Variants in C16orf74 observed in about 807,000 individuals in gnomAD.
The protein encoded by C16orf74 is calcimembrin, also known as uncharacterized protein C16orf74.
Under a neutral mutation model 6.5 loss-of-function variants are expected in C16orf74, and 10 were observed. That is an observed-to-expected ratio of 1.54 (90% CI 0.95 to 2.61). C16orf74 has a LOEUF of 2.61. Ranked by LOEUF, C16orf74 falls within the 30% of genes most tolerant of loss-of-function variation. The probability of loss-of-function intolerance (pLI) is 0.00; values close to 1 mark genes in which losing one functional copy is unlikely to be tolerated. For missense variants in C16orf74, 141 were observed against 105.9 expected (o/e 1.33, Z -1.45); for synonymous variants, 60 against 42.5 (o/e 1.41, Z -1.60).
At chr16:85,723,669 G>C (rs1000903095) in intron 2 of C16orf74, among the ~76,000 whole-genome samples, 4 of 152,256 alleles carry the variant, frequency 2.6e-5, no homozygotes, top group African/African-American at 9.6e-5. Flanking sequence ...GTGGATGGTA[G>C]AAGGATATTT....
chr16:85,718,303 C>T (rs965283686), intron 2 of C16orf74, among the ~76,000 whole-genome samples: 1 of 152,178 alleles, frequency 6.6e-6, no homozygotes, highest in Non-Finnish European at 1.5e-5. Context: ...TAGGCTCAAA[C>T]GATCCTCCTG....
rs545228107 is a variant in C16orf74 at position 85,712,082 on chromosome 16, C to A, written c.29-1775G>T. 5.3e-5 allele frequency among the ~76,000 whole-genome samples: 8 copies of A among 152,330 alleles called. No individual in the cohort carries two copies. In the South Asian group the frequency reaches 1.7e-3, roughly 32 times the overall value. Reference sequence around the variant, plus strand: ...CACTTGCTCTTGGGGAAGCCAGCCACCATGTTACGAGGATGCTCAAGCAGC... The same window carrying A: ...CACTTGCTCTTGGGGAAGCCAGCCAACATGTTACGAGGATGCTCAAGCAGC... On this transcript the variant is annotated intron_variant, in intron 2 of 3. Coordinates refer to ENST00000284245, the MANE Select transcript of C16orf74 (RefSeq NM_206967.3).
chr16:85,707,535 T>C lies in C16orf74; in HGVS notation c.*473A>G. On this transcript the variant is annotated 3_prime_UTR_variant, in exon 4 of 4. Coordinates refer to ENST00000284245, the MANE Select transcript of C16orf74 (RefSeq NM_206967.3). ...TTCACTATTTGTTACAGAGGATCTT[T>C]ATTTATAATGCAAAAAAGAAATTAT... 1 of 153,834 alleles carries C rather than the reference T, an allele frequency of 6.5e-6. No homozygotes were observed. The highest frequency in any genetic ancestry group is 2.4e-5 in the African/African-American group (1 of 41,628). 9.5% of individuals were successfully genotyped at this position (153,834 alleles called of 1,614,324 possible). A position where few individuals can be genotyped will look rare whatever the true frequency, so the allele number is the denominator to read the frequency against.
In C16orf74 at chr16:85,708,147, TGG is replaced by T. The variant is rs2053932094; in HGVS notation, c.173-83_173-82del. ...CCCGTTTCCCTGGGAACTGCAGGGC[TGG>T]GGCCTCTGGGATTCCTTGCTTTCTG... is the stretch of plus-strand genomic sequence containing the variant. On this transcript the variant is annotated intron_variant, in intron 3 of 3. Transcript: ENST00000284245. 5 of 1,176,502 alleles carry T rather than the reference TGG, an allele frequency of 4.2e-6. No homozygotes were observed. In the Middle Eastern group the frequency reaches 5.7e-4, roughly 135 times the overall value. 72.9% of individuals were successfully genotyped at this position (1,176,502 alleles called of 1,614,324 possible).
chr16:85,715,612 G>T (rs1357619178), intron 2 of C16orf74, among the ~76,000 whole-genome samples: 1 of 152,216 alleles, frequency 6.6e-6, no homozygotes, highest in Non-Finnish European at 1.5e-5. Context: ...ACGGCAGCCT[G>T]AAAGCAGCCG....
intron 1 of C16orf74, chr16:85,743,993 G>A (rs1243692061): frequency 1.3e-5 from 2 of 151,816 alleles, no homozygotes; most frequent in African/African-American, 4.8e-5. Context: ...GGCGGAGCTT[G>A]CAATGAGTCG....
At position 85,710,080 on chromosome 16, in the gene C16orf74, G is replaced by C; in HGVS notation, c.172+84C>G. ...GAGGTGGGGACGCAAGCTAGGCCCCGTGGCCAGGAAGGACGCCCCTGAGAG... is the reference window on the plus strand; with the variant it reads ...GAGGTGGGGACGCAAGCTAGGCCCCCTGGCCAGGAAGGACGCCCCTGAGAG... On this transcript the variant is annotated intron_variant, in intron 3 of 3. Coordinates refer to ENST00000284245, the MANE Select transcript of C16orf74 (RefSeq NM_206967.3). 4.1e-6 allele frequency: 5 copies of C among 1,211,054 alleles called. No homozygotes were observed. In the East Asian group the frequency reaches 1.3e-4, roughly 31 times the overall value. The allele number at this position is 1,211,054 out of a possible 1,614,324, so 75.0% of individuals were successfully genotyped here. A position where few individuals can be genotyped will look rare whatever the true frequency, so the allele number is the denominator to read the frequency against.
At chr16:85,715,020 G>GGTGGCC (rs2054008922) in intron 2 of C16orf74, among the ~76,000 whole-genome samples, 1 of 151,684 alleles carries the variant, frequency 6.6e-6, no homozygotes, top group Non-Finnish European at 1.5e-5. Flanking sequence ...AGGCAGGCAC[G>GGTGGCC]GTGGCGGGCG....
intron 1 of C16orf74, among the ~76,000 whole-genome samples, chr16:85,742,685 G>A (rs1443611841): frequency 6.6e-6 from 1 of 152,080 alleles, no homozygotes; most frequent in Non-Finnish European, 1.5e-5. Context: ...GGGATTACAG[G>A]CATGCGCCAC....
chr16:85,714,195 C>T (rs1361380609), intron 2 of C16orf74, among the ~76,000 whole-genome samples: 1 of 151,980 alleles, frequency 6.6e-6, no homozygotes, highest in Non-Finnish European at 1.5e-5. Context: ...CGGCCACGGT[C>T]CCTGGGACAC....
chr16:85,711,548 G>A (rs533618757), intron 2 of C16orf74, among the ~76,000 whole-genome samples: 19 of 151,054 alleles, frequency 1.3e-4, no homozygotes, highest in African/African-American at 3.2e-4. Context: ...GCTTGAATCC[G>A]GGAGGCGGAG....
intron 1 of C16orf74, among the ~76,000 whole-genome samples, chr16:85,746,264 C>A (rs1231831000): frequency 6.6e-6 from 1 of 152,124 alleles, no homozygotes; most frequent in Admixed American, 6.5e-5. Flanking sequence ...GCAGGAGAAT[C>A]GCTTGAACTT....
intron 1 of C16orf74, among the ~76,000 whole-genome samples, chr16:85,739,609 G>C (rs968899504): frequency 6.6e-6 from 1 of 152,054 alleles, no homozygotes; most frequent in African/African-American, 2.4e-5. Context: ...GACCAGCCTG[G>C]GCAACATGGC....
chr16:85,739,813 A>C (rs1310820282), intron 1 of C16orf74, among the ~76,000 whole-genome samples: 1 of 152,162 alleles, frequency 6.6e-6, no homozygotes, highest in South Asian at 2.1e-4. Context: ...AAAGAAAAGA[A>C]GTAATAAAAC....
At chr16:85,717,555 C>T (rs953741107) in intron 2 of C16orf74, among the ~76,000 whole-genome samples, 4 of 152,140 alleles carry the variant, frequency 2.6e-5, no homozygotes, top group Admixed American at 1.3e-4. Flanking sequence ...AGAAATGACC[C>T]TCGGGGAGCC....
intron 2 of C16orf74, among the ~76,000 whole-genome samples, chr16:85,716,595 A>C (rs2054026656): frequency 6.9e-6 from 1 of 143,940 alleles, no homozygotes; most frequent in South Asian, 2.3e-4. Context: ...AAAAGGAGGG[A>C]GGAGGAAAGA....
intron 2 of C16orf74, among the ~76,000 whole-genome samples, chr16:85,711,135 G>A (rs953222031): frequency 1.3e-5 from 2 of 151,956 alleles, no homozygotes; most frequent in Admixed American, 6.6e-5. Flanking sequence ...CCAACATGGT[G>A]AAACCCCCAT....
rs531654974 is a variant in C16orf74 at position 85,708,071 on chromosome 16, G to C, written c.173-5C>G. 4.5e-6 allele frequency: 7 copies of C among 1,552,752 alleles called. No individual in the cohort carries two copies. The South Asian group carries it at 4.8e-5, about 11-fold the overall frequency. ...ACCCTGTCTCATCCAGCCAGACTAG[G>C]AGAAAGAGGGGATGGACACCTGGAT... On this transcript the variant is annotated splice_region_variant and splice_polypyrimidine_tract_variant and intron_variant, in intron 3 of 3. Coordinates refer to ENST00000284245, the MANE Select transcript of C16orf74 (RefSeq NM_206967.3).
At chr16:85,728,245 T>C (rs1443645812) in intron 2 of C16orf74, among the ~76,000 whole-genome samples, 6 of 152,056 alleles carry the variant, frequency 3.9e-5, no homozygotes, top group African/African-American at 1.2e-4. Context: ...ACCGTGTGAG[T>C]GTAAGTTGTT....
Sources: allele counts gnomAD v4.1 joint callset (sites outside exome capture counted in the v4.1 genomes callset), GRCh38; gene constraint gnomAD v4.1.1; transcripts MANE v1.5; gene names NCBI Gene and HGNC (gene_info 2026-07-23, HGNC 2026-07-21).